The following FAM149A variants were observed in gnomAD, a reference collection of about 807,000 sequenced individuals.
The protein encoded by FAM149A is family with sequence similarity 149 member A, also known as protein FAM149A.
Under a neutral mutation model 78.2 loss-of-function variants are expected in FAM149A, and 71 were observed. The observed-to-expected ratio is 0.91, with a 90% CI of 0.75 to 1.11. The LOEUF (loss-of-function observed/expected upper bound fraction) is 1.11. FAM149A is among the 50% of genes least tolerant of loss of function. FAM149A has a pLI of 0.00. For synonymous variants in FAM149A, 446 were observed against 410.5 expected, an observed-to-expected ratio of 1.09 and a Z score of -1.04; for missense variants, 1,036 against 971.0, an observed-to-expected ratio of 1.07 and a Z score of -0.89.
At chr4:186,159,288 AAG>A (rs1006282022) in intron 8 of FAM149A, among the ~76,000 whole-genome samples, 9 of 152,278 alleles carry the variant, frequency 5.9e-5, no homozygotes, top group Admixed American at 5.9e-4. Flanking sequence ...AGAAGAATCA[AAG>A]AGAGAGTGAT....
rs368121879 is a variant in FAM149A, at chr4:186,156,191, G to A, written c.1420+1G>A. ...AAACACTGGGAAACTACACTCACAGGTACTTACATGCAGAATTTAGCTTAA... is the reference window on the plus strand; with the variant it reads ...AAACACTGGGAAACTACACTCACAGATACTTACATGCAGAATTTAGCTTAA... On this transcript the variant is annotated splice_donor_variant, in intron 7 of 13. Transcript: ENST00000389354. LOFTEE classifies it high-confidence loss of function. The A allele has an allele frequency of 6.2e-7, 1 of 1,608,074 alleles. No homozygotes were observed. The highest frequency in any genetic ancestry group is 8.5e-7 in the Non-Finnish European group (1 of 1,177,038).
rs1342966909 is a variant in FAM149A at position 186,173,520 on chromosome 4, A to AT, written c.*1541dup. On this transcript the variant is annotated 3_prime_UTR_variant, in exon 14 of 14. Transcript: ENST00000389354. ...GGTGCATGCCACCACACCCAGCTAA[A>AT]TTTTTTTTGTATTTTTAGTAGAGGC... Among the ~76,000 whole-genome samples, 3 of 109,940 alleles carry AT rather than the reference A, an allele frequency of 2.7e-5. No individual in the cohort carries two copies. Among genetic ancestry groups the AT allele is most frequent in the African/African-American group, 8.6e-5 (3 of 35,070 alleles). The allele number at this position is 109,940 out of a possible 152,430, so 72.1% of individuals were successfully genotyped here. A position where few individuals can be genotyped will look rare whatever the true frequency, so the allele number is the denominator to read the frequency against.
chr4:186,166,931 A>G (rs1735082748), intron 11 of FAM149A, 37 bp from the exon 12 acceptor site: 3 of 1,590,330 alleles, frequency 1.9e-6, no homozygotes, highest in Admixed American at 1.8e-5. Flanking sequence ...TAAGGATTGC[A>G]TTTATTTTAA....
chr4:186,121,535 A>G (rs1288273144), intron 1 of FAM149A, among the ~76,000 whole-genome samples: 3 of 152,226 alleles, frequency 2.0e-5, no homozygotes, highest in Admixed American at 6.5e-5. Flanking sequence ...ATTAACTTCA[A>G]TTCTTTACAG....
In FAM149A at chr4:186,164,604, C is replaced by T; in HGVS notation, c.1890-740C>T. 1 of 489,200 alleles carries T rather than the reference C, an allele frequency of 2.0e-6. No individual in the cohort carries two copies. 30.3% of individuals were successfully genotyped at this position (489,200 alleles called of 1,614,324 possible). ...TGCTGTGCTGATTCCTTCGAGATCC[C>T]TCTCCCTCCTCCGCCTCGCTTCCCC... is the stretch of plus-strand genomic sequence containing the variant. On this transcript the variant is annotated intron_variant, in intron 10 of 13. Transcript: ENST00000389354. This position sits in a 1 kb window ranked among gnomAD's most constrained non-coding sequence, Gnocchi z 4.0.
At chr4:186,118,140 G>T in intron 1 of FAM149A, 1 of 985,418 alleles carries the variant, frequency 1.0e-6, no homozygotes, top group Non-Finnish European at 1.2e-6. Flanking sequence ...AACTTTGCAC[G>T]TACAGGAGTT....
rs774749994 is a variant in FAM149A, at chr4:186,171,967, A to T, written c.2272A>T (p.Arg758Ter). 1 of 1,612,560 alleles carries T rather than the reference A, an allele frequency of 6.2e-7. No individual in the cohort carries two copies. The highest frequency in any genetic ancestry group is 8.5e-7 in the Non-Finnish European group (1 of 1,179,218). Residue 758 changes from arginine (R) to a stop codon, truncating the protein, a stop_gained, in exon 14 of 14, where the codon AGA (arginine) becomes TGA (stop). Coordinates refer to ENST00000389354, the MANE Select transcript of FAM149A (RefSeq NM_001367768.3). LOFTEE classifies it high-confidence loss of function. ...GAGGACAACTTTGACTTTCAAGAGG[A>T]GATTCCAAGTGACATCTTGAAACCA...
rs1010899897 is a variant in FAM149A, at chr4:186,105,312, C to T, written c.236C>T (p.Ser79Phe). The change falls in exon 1 of 14, where the codon TCC becomes TTC. Residue 79 changes from serine to phenylalanine, a missense_variant. Around this residue, in one of 3 missense-constraint regions of FAM149A, gnomAD observed 316 missense variants for 241.9 expected, o/e 1.31. Coordinates refer to ENST00000389354, the MANE Select transcript of FAM149A (RefSeq NM_001367768.3). The stretch of plus-strand genomic sequence containing the variant: ...GCCCCGCTGCTCTCCTCCCCCTACT[C>T]CCGGGGCTCCGCCGCCAGCCGCGCC... The T allele has an allele frequency of 9.4e-6, 11 of 1,170,892 alleles. No individual in the cohort carries two copies. The African/African-American group carries it at 1.2e-4, about 13-fold the overall frequency. The allele number at this position is 1,170,892 out of a possible 1,614,324, so 72.5% of individuals were successfully genotyped here.
chr4:186,158,155 G>A, intron 8 of FAM149A: 1 of 1,285,178 alleles, frequency 7.8e-7, no homozygotes, highest in South Asian at 1.3e-5. Flanking sequence ...GGCAGGCTGT[G>A]CTGAAGCTCA....
intron 1 of FAM149A, chr4:186,145,019 C>T (rs1732910184): frequency 3.1e-6 from 3 of 980,778 alleles, no homozygotes; most frequent in Non-Finnish European, 1.2e-6. Flanking sequence ...CTGCGTGGGG[C>T]CCGCGCGCGG....
rs572315550 is a variant in FAM149A at position 186,160,541 on chromosome 4, G to A, written c.1576-2304G>A. Among the ~76,000 whole-genome samples, 28 of 116,568 alleles carry A rather than the reference G, an allele frequency of 2.4e-4. No homozygotes were observed. In the East Asian group the frequency reaches 5.9e-3, roughly 25 times the overall value. 76.5% of individuals were successfully genotyped at this position (116,568 alleles called of 152,430 possible). Reference sequence around the variant, plus strand: ...CATACACACACACTACACACCACACGCACACCCCACACATGCACACATACC... The same window carrying A: ...CATACACACACACTACACACCACACACACACCCCACACATGCACACATACC... On this transcript the variant is annotated intron_variant, in intron 8 of 13. Coordinates refer to ENST00000389354, the MANE Select transcript of FAM149A (RefSeq NM_001367768.3).
At chr4:186,116,644 C>G in intron 1 of FAM149A, 1 of 970,674 alleles carries the variant, frequency 1.0e-6, no homozygotes, top group Non-Finnish European at 1.2e-6. Flanking sequence ...ACCAGGCTGG[C>G]TGGAGGGCAG....
intron 1 of FAM149A, among the ~76,000 whole-genome samples, chr4:186,148,233 A>G (rs1733211124): frequency 6.6e-6 from 1 of 152,216 alleles, no homozygotes; most frequent in Non-Finnish European, 1.5e-5. Context: ...AGGCTGAGGC[A>G]GGAGAATTAC....
In FAM149A at chr4:186,165,305, A is replaced by G. The variant is rs1304976652; in HGVS notation, c.1890-39A>G. On this transcript the variant is annotated intron_variant, in intron 10 of 13. Coordinates refer to ENST00000389354, the MANE Select transcript of FAM149A (RefSeq NM_001367768.3). The stretch of plus-strand genomic sequence containing the variant: ...ATTTCCTGTCACTTGCCAGTTATCC[A>G]TGTACCTGGGTGCTCAGTGACATGA... 3 of 1,613,024 alleles carry G rather than the reference A, an allele frequency of 1.9e-6. 1 individual carries two copies. The highest frequency in any genetic ancestry group is 2.2e-5 in the East Asian group (1 of 44,874).
At chr4:186,119,827 T>C (rs1377456278) in intron 1 of FAM149A, among the ~76,000 whole-genome samples, 1 of 152,226 alleles carries the variant, frequency 6.6e-6, no homozygotes, top group African/African-American at 2.4e-5. Context: ...TGTGAAGACT[T>C]GGAAACCATC....
At chr4:186,118,259 G>C (rs2099314544) in intron 1 of FAM149A, 1 of 984,282 alleles carries the variant, frequency 1.0e-6, no homozygotes, top group South Asian at 4.7e-5. Flanking sequence ...CCTCTGAAAT[G>C]AGGAGCGTCT....
intron 1 of FAM149A, among the ~76,000 whole-genome samples, chr4:186,139,549 C>T (rs1246806155): frequency 6.6e-6 from 1 of 152,194 alleles, no homozygotes; most frequent in Non-Finnish European, 1.5e-5. Flanking sequence ...CGGCACCAGA[C>T]ACTGAATCTG....
chr4:186,150,524 A>C (rs1418482947), intron 3 of FAM149A, among the ~76,000 whole-genome samples: 4 of 125,522 alleles, frequency 3.2e-5, no homozygotes, highest in Admixed American at 9.3e-5. Flanking sequence ...GGTTCACGCC[A>C]TTCTCCTGCC....
intron 1 of FAM149A, chr4:186,125,863 G>T (rs1041874739): frequency 7.1e-6 from 7 of 985,300 alleles, no homozygotes; most frequent in Non-Finnish European, 8.4e-6. Context: ...AAGAAGCAAC[G>T]TAGAGGAGTG....
Sources: gnomAD v4.1 joint callset for allele counts (sites outside exome capture counted in the v4.1 genomes callset) on GRCh38, gnomAD v4.1.1 for gene constraint, gnomAD v4.1.1 regional missense constraint, Gnocchi (gnomAD v3.1) non-coding constraint, MANE v1.5 for transcripts, NCBI Gene and HGNC (gene_info 2026-07-23, HGNC 2026-07-21) for gene names.